Variants in TMC7 observed in about 807,000 individuals in gnomAD.
The protein encoded by TMC7 is transmembrane channel-like protein 7.
A neutral mutation model predicts 82.9 loss-of-function variants in TMC7; 54 were observed. That is an observed-to-expected ratio of 0.65 (90% confidence interval 0.52 to 0.82). The LOEUF is 0.82. TMC7 is among the 40% of genes least tolerant of loss of function. TMC7 has a pLI of 0.00. For synonymous variants in TMC7, 350 were observed against 337.9 expected, an observed-to-expected ratio of 1.04 and a Z score of -0.39; for missense variants, 820 against 901.2, an observed-to-expected ratio of 0.91 and a Z score of 1.15.
At chr16:19,047,324 C>T in intron 12 of TMC7, 75 bp downstream of exon 12, 1 of 1,298,814 alleles carries the variant, frequency 7.7e-7, no homozygotes, top group Non-Finnish European at 1.1e-6. Flanking sequence ...ATGTCTGGAG[C>T]TCACCTCACA....
chr16:18,985,499 G>A (rs1168793017), intron 1 of TMC7, among the ~76,000 whole-genome samples: 1 of 152,016 alleles, frequency 6.6e-6, no homozygotes, highest in Non-Finnish European at 1.5e-5. Context: ...TTTTTAGTTG[G>A]TTCCTATTAA....
At chr16:19,049,807 T>C (rs1961444361) in intron 12 of TMC7, 2 of 236,914 alleles carry the variant, frequency 8.4e-6, no homozygotes, top group Admixed American at 6.5e-5. Flanking sequence ...CGGCTCCTCC[T>C]GAATTCAGAA....
At chr16:18,990,337 G>A (rs2038928357) in intron 1 of TMC7, among the ~76,000 whole-genome samples, 1 of 152,164 alleles carries the variant, frequency 6.6e-6, no homozygotes, top group Admixed American at 6.5e-5. Flanking sequence ...GCTTGGCTTG[G>A]GCTCAGAGGC....
intron 12 of TMC7, among the ~76,000 whole-genome samples, chr16:19,051,274 T>C (rs1468742346): frequency 6.7e-6 from 1 of 149,710 alleles, no homozygotes; most frequent in Non-Finnish European, 1.5e-5. Flanking sequence ...TATTATACTT[T>C]AAGTTTTAGG....
chr16:19,045,553 G>A, intron 11 of TMC7, 115 bp downstream of exon 11: 1 of 728,726 alleles, frequency 1.4e-6, no homozygotes, highest in Non-Finnish European at 2.5e-6. Context: ...GCTGCTGGAT[G>A]ACTCTACAGC....
chr16:19,023,600 C>T (rs1388672075), intron 5 of TMC7, among the ~76,000 whole-genome samples: 2 of 152,160 alleles, frequency 1.3e-5, no homozygotes, highest in Non-Finnish European at 2.9e-5. Flanking sequence ...GTGTGTGCCA[C>T]CACGCCCAGC....
rs570226252 is a variant in TMC7, at chr16:18,984,599, T to C, written c.67+469T>C. The stretch of plus-strand genomic sequence containing the variant: ...GACCTTTGGTAAGTGGCTTGCCTTC[T>C]CTGAGCCTCAGATCCTTCAGCAGTA... On this transcript the variant is annotated intron_variant, in intron 1 of 15. Transcript: ENST00000304381. 41 of 877,180 alleles carry C rather than the reference T, an allele frequency of 4.7e-5. No homozygotes were observed. The South Asian group carries it at 2.1e-3, about 44-fold the overall frequency. 54.3% of individuals were successfully genotyped at this position (877,180 alleles called of 1,614,324 possible).
intron 1 of TMC7, among the ~76,000 whole-genome samples, chr16:18,993,321 G>T (rs2142124929): frequency 6.6e-6 from 1 of 152,342 alleles, no homozygotes; most frequent in African/African-American, 2.4e-5. Flanking sequence ...GAAAGGAAAT[G>T]AGAAGTTTTA....
At chr16:18,999,940 T>A (rs1272291868) in intron 1 of TMC7, among the ~76,000 whole-genome samples, 1 of 151,958 alleles carries the variant, frequency 6.6e-6, no homozygotes, top group Non-Finnish European at 1.5e-5. Context: ...ATTATTTGTA[T>A]TTTTAGTAGA....
intron 8 of TMC7, 104 bp from the exon 9 acceptor site, chr16:19,040,185 G>A (rs190243895): frequency 8.7e-5 from 76 of 871,786 alleles, no homozygotes; most frequent in Non-Finnish European, 9.0e-5. Context: ...TGACAAATAC[G>A]TTTTGTTTGC....
chr16:19,047,638 AC>A (rs1431608952), intron 12 of TMC7, among the ~76,000 whole-genome samples: 1 of 147,880 alleles, frequency 6.8e-6, no homozygotes, highest in Non-Finnish European at 1.5e-5. Flanking sequence ...CTCATGATCC[AC>A]CCGCCTCGGC....
At chr16:19,011,506 A>AAAATAAATAAAT (rs58092157) in intron 2 of TMC7, among the ~76,000 whole-genome samples, 2,224 of 137,832 alleles carry the variant, frequency 0.016, 26 homozygotes, top group Non-Finnish European at 0.022. Flanking sequence ...CTGTCTTTAC[A>AAAATAAATAAAT]AAATAAATAA....
intron 1 of TMC7, among the ~76,000 whole-genome samples, chr16:19,005,119 C>T (rs569424822): frequency 7.2e-5 from 11 of 151,740 alleles, no homozygotes; most frequent in East Asian, 1.9e-4. Flanking sequence ...GACGGAGTCT[C>T]GCTCTGTCGC....
intron 2 of TMC7, among the ~76,000 whole-genome samples, chr16:19,013,248 C>T (rs112060353): frequency 1.4e-4 from 22 of 151,940 alleles, no homozygotes; most frequent in African/African-American, 3.4e-4. Flanking sequence ...GACGGAGTTT[C>T]GCTCTTGTTG....
At chr16:19,032,450 G>A (rs1027931203) in intron 6 of TMC7, among the ~76,000 whole-genome samples, 2 of 151,884 alleles carry the variant, frequency 1.3e-5, no homozygotes, top group Non-Finnish European at 2.9e-5. Flanking sequence ...TTCCGTGATT[G>A]TGCCAGGGGA....
chr16:19,037,830 C>G (rs111665738), intron 7 of TMC7, 44 bp from the exon 8 acceptor site: 1 of 1,569,138 alleles, frequency 6.4e-7, no homozygotes, highest in Non-Finnish European at 8.7e-7. Context: ...CCCTGAGTAT[C>G]CCTTCATCCC....
At position 19,016,443 on chromosome 16, in the gene TMC7, C is replaced by T. The variant is rs1959696732; in HGVS notation, c.312-7C>T. On this transcript the variant is annotated splice_region_variant and splice_polypyrimidine_tract_variant and intron_variant, in intron 2 of 15. Transcript: ENST00000304381. The stretch of plus-strand genomic sequence containing the variant: ...TTGTCATTGTCATGATCATGTTTTC[C>T]ATGCAGGGACATTCAAGAGACACAA... The T allele has an allele frequency of 6.2e-7, 1 of 1,613,720 alleles. No individual in the cohort carries two copies. The highest frequency in any genetic ancestry group is 1.1e-5 in the South Asian group (1 of 91,048).
chr16:19,014,680 C>G (rs1371316047), intron 2 of TMC7, among the ~76,000 whole-genome samples: 1 of 152,182 alleles, frequency 6.6e-6, no homozygotes, highest in Non-Finnish European at 1.5e-5. Context: ...TCCAGGTTTC[C>G]AGAGCTCTGA....
chr16:19,004,452 C>A (rs2039199858), intron 1 of TMC7, among the ~76,000 whole-genome samples: 1 of 152,086 alleles, frequency 6.6e-6, no homozygotes, highest in African/African-American at 2.4e-5. Flanking sequence ...GCAACCTCCG[C>A]CTCCTGGCTT....
Sources: allele counts gnomAD v4.1 joint callset (sites outside exome capture counted in the v4.1 genomes callset), GRCh38; gene constraint gnomAD v4.1.1; transcripts MANE v1.5; gene names NCBI Gene and HGNC (gene_info 2026-07-23, HGNC 2026-07-21).